KLF12: variants seen among roughly 807,000 people sequenced by gnomAD.
KLF12 encodes Krueppel-like factor 12.
In KLF12, 9 loss-of-function variants were observed where a neutral mutation model predicts 37.8. That is an observed-to-expected ratio of 0.24 (90% CI 0.14 to 0.42). The LOEUF (loss-of-function observed/expected upper bound fraction) is 0.42. KLF12 is among the 10% of genes least tolerant of loss of function. The pLI is 1.00. For synonymous variants in KLF12, 208 were observed against 202.1 expected (o/e 1.03, Z -0.25); for missense variants, 411 against 516.0 (o/e 0.80, Z 1.97).
At chr13:74,109,049 T>C (rs1876829993) in intron 1 of KLF12, among the ~76,000 whole-genome samples, 1 of 152,090 alleles carries the variant, frequency 6.6e-6, no homozygotes, top group Non-Finnish European at 1.5e-5. Context: ...TAGAAATTAA[T>C]GTGTAAAATC....
chr13:74,101,321 T>C (rs1876330105), intron 1 of KLF12, among the ~76,000 whole-genome samples: 1 of 152,196 alleles, frequency 6.6e-6, no homozygotes. Context: ...GTAATTCCCA[T>C]GCGCTTGCAC....
rs191017087 is a variant in KLF12, at chr13:73,929,661, C to G, written c.123+14320G>C. 4.7e-4 allele frequency among the ~76,000 whole-genome samples: 71 copies of G among 152,292 alleles called. No homozygotes were observed. The Middle Eastern group carries it at 0.01, about 22-fold the overall frequency. ...CAACATGGGTGGGGCAAAGCGCAAG[C>G]ACACTAGGTCTGCTCCAGTAAAAAT... On this transcript the variant is annotated intron_variant, in intron 3 of 7. Coordinates refer to ENST00000377669, the MANE Select transcript of KLF12 (RefSeq NM_007249.5).
chr13:74,036,033 GCCAGCCACGGCCACATCC>G (rs1893236603), intron 1 of KLF12, among the ~76,000 whole-genome samples: 1 of 152,092 alleles, frequency 6.6e-6, no homozygotes, highest in South Asian at 2.1e-4. Context: ...TCATTAACCA[GCCAGCCACGGCCACATCC>G]CCAGCTCCTG....
At chr13:74,148,725 A>G in the KLF12 span, among the ~76,000 whole-genome samples, 1 of 151,612 alleles carries the variant, frequency 6.6e-6, no homozygotes, top group South Asian at 2.1e-4. Flanking sequence ...CTTCCAGAGA[A>G]CCCACATTCT....
the KLF12 span, among the ~76,000 whole-genome samples, chr13:74,180,310 T>C: frequency 9.8e-5 from 15 of 152,342 alleles, no homozygotes; most frequent in African/African-American, 3.1e-4. Context: ...AGTTAATCAA[T>C]TGAAATACTT....
chr13:73,858,460 T>C (rs1885726465), intron 3 of KLF12, among the ~76,000 whole-genome samples: 2 of 152,210 alleles, frequency 1.3e-5, no homozygotes, highest in Admixed American at 6.5e-5. Context: ...TGGTGTTCCC[T>C]GGGAATCCCA....
intron 6 of KLF12, among the ~76,000 whole-genome samples, chr13:73,715,756 A>G (rs1310911891): frequency 6.6e-6 from 1 of 152,200 alleles, no homozygotes; most frequent in Non-Finnish European, 1.5e-5. Context: ...CATGCTTCAA[A>G]CAACAATAAC....
intron 1 of KLF12, among the ~76,000 whole-genome samples, chr13:74,108,728 G>A (rs533151899): frequency 1.4e-4 from 21 of 152,144 alleles, no homozygotes; most frequent in African/African-American, 4.1e-4. Flanking sequence ...TTAAAAAATC[G>A]TAAGAAAAAA....
intron 1 of KLF12, among the ~76,000 whole-genome samples, chr13:74,047,466 G>T (rs1015357322): frequency 2.0e-5 from 3 of 151,698 alleles, no homozygotes; most frequent in Non-Finnish European, 4.4e-5. Context: ...GCGTGGTGGC[G>T]GGGGCTTGTA....
chr13:74,165,506 C>G, the KLF12 span, among the ~76,000 whole-genome samples: 1,599 of 152,002 alleles, frequency 0.011, 34 homozygotes, highest in African/African-American at 0.036. Flanking sequence ...ACCGTGTTGG[C>G]CAGGCTGGTC....
the KLF12 span, among the ~76,000 whole-genome samples, chr13:74,239,403 A>C: frequency 8.3e-6 from 1 of 120,742 alleles, no homozygotes; most frequent in African/African-American, 3.3e-5. Flanking sequence ...GGTGCTGAAA[A>C]AAATGTATAT....
the KLF12 span, among the ~76,000 whole-genome samples, chr13:74,181,475 G>A: frequency 6.6e-6 from 1 of 151,114 alleles, no homozygotes; most frequent in African/African-American, 2.4e-5. Context: ...TTGAGGTCAG[G>A]AGGAGACCAG....
At chr13:73,974,334 G>A (rs1019744800) in intron 2 of KLF12, among the ~76,000 whole-genome samples, 7 of 146,550 alleles carry the variant, frequency 4.8e-5, no homozygotes, top group African/African-American at 1.8e-4. Flanking sequence ...TTCTGCAGGT[G>A]TTCAGGCAGA....
At chr13:74,168,341 T>C in the KLF12 span, among the ~76,000 whole-genome samples, 1 of 152,240 alleles carries the variant, frequency 6.6e-6, no homozygotes, top group African/African-American at 2.4e-5. Context: ...AACTGGACTC[T>C]GGCTCCATGT....
chr13:73,959,846 T>C lies in KLF12; in HGVS notation c.34-15776A>G, dbSNP rs201068483. Among the ~76,000 whole-genome samples the C allele has an allele frequency of 1.1e-4, 16 of 152,306 alleles. No individual in the cohort carries two copies. The East Asian group carries it at 2.9e-3, about 28-fold the overall frequency. On this transcript the variant is annotated intron_variant, in intron 2 of 7. Transcript: ENST00000377669. ...TAATAAAACTTTATTTTGCTCCTAA[T>C]AGTTTAGTCTGAAAGATCAGACGAT... is the stretch of plus-strand genomic sequence containing the variant.
At chr13:74,138,055 C>G (rs886211619), upstream of KLF12, among the ~76,000 whole-genome samples, 2 of 152,180 alleles carry the variant, frequency 1.3e-5, no homozygotes, top group African/African-American at 4.8e-5. Flanking sequence ...CGCGCCCGGC[C>G]AGAAAAATCT....
intron 6 of KLF12, among the ~76,000 whole-genome samples, chr13:73,756,485 T>A (rs1249646202): frequency 6.6e-6 from 1 of 152,036 alleles, no homozygotes; most frequent in Non-Finnish European, 1.5e-5. Flanking sequence ...TAACTAAGAG[T>A]AAGACCAAGG....
chr13:73,847,119 T>C (rs1292560292), intron 3 of KLF12, among the ~76,000 whole-genome samples: 1 of 152,282 alleles, frequency 6.6e-6, no homozygotes, highest in Middle Eastern at 3.4e-3. Flanking sequence ...GTGATCAGCA[T>C]GCTATTATTT....
chr13:73,729,073 A>AT (rs1464062770), intron 6 of KLF12, among the ~76,000 whole-genome samples: 4 of 152,088 alleles, frequency 2.6e-5, no homozygotes, highest in African/African-American at 9.7e-5. Context: ...GCTGCTCTTT[A>AT]TTATATTTTT....
Sources: gnomAD v4.1 joint callset for allele counts (sites outside exome capture counted in the v4.1 genomes callset) on GRCh38, gnomAD v4.1.1 for gene constraint, MANE v1.5 for transcripts, NCBI Gene and HGNC (gene_info 2026-07-23, HGNC 2026-07-21) for gene names.